PCDH9: variants seen among roughly 807,000 people sequenced by gnomAD.
The protein encoded by PCDH9 is protocadherin-9.
Under a neutral mutation model 70.6 loss-of-function variants are expected in PCDH9, and 24 were observed. The ratio of observed to expected loss-of-function variants is 0.34; its 90% CI spans 0.25 to 0.48. The LOEUF (loss-of-function observed/expected upper bound fraction) is 0.48. Ranked by LOEUF, PCDH9 falls within the 20% of genes least tolerant of loss-of-function variation. PCDH9 has a pLI of 0.99. For missense variants in PCDH9, 1,281 were observed against 1,503.6 expected (o/e 0.85, Z 2.45); for synonymous variants, 562 against 558.5 (o/e 1.01, Z -0.09).
At chr13:66,397,402 G>A (rs1335904625) in intron 4 of PCDH9, among the ~76,000 whole-genome samples, 1 of 151,946 alleles carries the variant, frequency 6.6e-6, no homozygotes, top group East Asian at 1.9e-4. Context: ...CTGGGTGACA[G>A]AGTGAGACTC....
intron 3 of PCDH9, among the ~76,000 whole-genome samples, chr13:66,655,350 T>A (rs937401361): frequency 1.3e-5 from 2 of 151,980 alleles, no homozygotes; most frequent in African/African-American, 2.4e-5. Context: ...AGCATTTCTT[T>A]ATTCTCACAT....
Position 67,227,791 on chromosome 13 carries a change from G to T in PCDH9, c.650C>A (p.Thr217Asn). 6.2e-7 allele frequency: 1 copy of T among 1,613,606 alleles called. No individual in the cohort carries two copies. The highest frequency in any genetic ancestry group is 1.1e-5 in the South Asian group (1 of 91,062). ...CTCTACTTTGATTTTCATCACATAG[G>T]TATCTTTCTGTTCTCTATCCAAGTT... Reference protein sequence around the residue: ...QQNLDREQKDTYVMKIKVEDG... With the variant: ...QQNLDREQKDNYVMKIKVEDG... Residue 217 changes from threonine (T) to asparagine (N), a missense_variant, in exon 2 of 5, where the codon ACC becomes AAC. Thr to Asn is a moderately conservative substitution (Grantham distance 65). Around this residue, in one of 4 missense-constraint regions of PCDH9, gnomAD observed 798 missense variants for 1,003.1 expected, o/e 0.80. Transcript: ENST00000377865. The surrounding 1 kb of genome is among the most constrained non-coding windows in gnomAD (Gnocchi z 4.6).
chr13:66,588,672 G>A (rs1350608090), intron 4 of PCDH9, among the ~76,000 whole-genome samples: 1 of 151,568 alleles, frequency 6.6e-6, no homozygotes, highest in East Asian at 1.9e-4. Context: ...ACTGGAGAAA[G>A]GCATTCAGGA....
chr13:67,030,090 T>C (rs1360864331), intron 2 of PCDH9, among the ~76,000 whole-genome samples: 2 of 152,072 alleles, frequency 1.3e-5, no homozygotes, highest in African/African-American at 4.8e-5. Context: ...TATTTATTTA[T>C]TTATTTAGGA....
chr13:66,951,907 T>C (rs1566315389), intron 2 of PCDH9, among the ~76,000 whole-genome samples: 1 of 152,136 alleles, frequency 6.6e-6, no homozygotes. Flanking sequence ...AGAGGTGAAT[T>C]TGTATGTTAA....
chr13:67,069,674 C>T (rs1345145085), intron 2 of PCDH9, among the ~76,000 whole-genome samples: 2 of 152,042 alleles, frequency 1.3e-5, no homozygotes, highest in East Asian at 3.9e-4. Context: ...TCTGAATTTG[C>T]TTTTTGCAGA....
chr13:66,793,191 AC>A (rs1339462905), intron 3 of PCDH9, among the ~76,000 whole-genome samples: 3 of 152,052 alleles, frequency 2.0e-5, no homozygotes, highest in Non-Finnish European at 4.4e-5. Flanking sequence ...ACCTGGGCCT[AC>A]AGTTAGTCTT....
intron 3 of PCDH9, among the ~76,000 whole-genome samples, chr13:66,697,606 G>T (rs1408470430): frequency 6.6e-6 from 1 of 152,124 alleles, no homozygotes; most frequent in East Asian, 1.9e-4. Context: ...GGGGGACAGT[G>T]CTGTACTATA....
At chr13:67,173,444 C>T (rs1171753932) in intron 2 of PCDH9, among the ~76,000 whole-genome samples, 1 of 152,076 alleles carries the variant, frequency 6.6e-6, no homozygotes, top group Non-Finnish European at 1.5e-5. Flanking sequence ...TTTCCAACTA[C>T]AACCCTGATT....
intron 3 of PCDH9, among the ~76,000 whole-genome samples, chr13:66,761,143 C>T (rs1265065207): frequency 6.7e-6 from 1 of 148,238 alleles, no homozygotes; most frequent in Non-Finnish European, 1.5e-5. Flanking sequence ...CCTATTCGTA[C>T]ACTCCCTCCC....
chr13:66,398,638 T>A (rs938204486), intron 4 of PCDH9, among the ~76,000 whole-genome samples: 1 of 152,178 alleles, frequency 6.6e-6, no homozygotes, highest in Non-Finnish European at 1.5e-5. Context: ...CATTCAAAAC[T>A]AGCATTTTAG....
intron 3 of PCDH9, among the ~76,000 whole-genome samples, chr13:66,676,684 A>G (rs1028782945): frequency 5.3e-5 from 8 of 152,096 alleles, no homozygotes; most frequent in African/African-American, 1.9e-4. Context: ...TTCATGAAAC[A>G]TAATTATTAT....
chr13:67,189,751 G>A lies in PCDH9; in HGVS notation c.3036+35654C>T, dbSNP rs576117556. 4.6e-5 allele frequency among the ~76,000 whole-genome samples: 7 copies of A among 152,092 alleles called. 1 individual carries two copies. In the South Asian group the frequency reaches 1.5e-3, roughly 32 times the overall value. On this transcript the variant is annotated intron_variant, in intron 2 of 4. Coordinates refer to ENST00000377865, the MANE Select transcript of PCDH9 (RefSeq NM_203487.3). The stretch of plus-strand genomic sequence containing the variant: ...GCAGTACTGAAAGGAGCCCTAAGTG[G>A]ATGAAGGAGAAAGCCATTTGACAAT...
chr13:67,004,034 G>C (rs1205340841), intron 2 of PCDH9, among the ~76,000 whole-genome samples: 1 of 152,064 alleles, frequency 6.6e-6, no homozygotes, highest in East Asian at 1.9e-4. Context: ...TTGAGAAACT[G>C]AGAAGAGAAA....
intron 2 of PCDH9, among the ~76,000 whole-genome samples, chr13:67,194,227 A>G (rs889024372): frequency 3.9e-5 from 6 of 152,194 alleles, no homozygotes; most frequent in Non-Finnish European, 7.4e-5. Flanking sequence ...TATAAGCACT[A>G]CAGAAATTAT....
intron 2 of PCDH9, chr13:67,209,856 G>A (rs2089433933): frequency 6.6e-6 from 1 of 151,912 alleles, no homozygotes; most frequent in South Asian, 2.1e-4. Flanking sequence ...TCCTAAAGCT[G>A]ATTTTCCTCC....
intron 2 of PCDH9, among the ~76,000 whole-genome samples, chr13:66,965,443 C>T (rs2083415053): frequency 6.6e-6 from 1 of 152,158 alleles, no homozygotes; most frequent in South Asian, 2.1e-4. Flanking sequence ...CATTTCTGTG[C>T]CACTTTTTCT....
At chr13:66,534,964 T>C (rs184302655) in intron 4 of PCDH9, among the ~76,000 whole-genome samples, 1 of 152,174 alleles carries the variant, frequency 6.6e-6, no homozygotes, top group African/African-American at 2.4e-5. Flanking sequence ...TTTTCCTCAA[T>C]TTATTGTATA....
At chr13:66,693,750 T>C (rs1421925151) in intron 3 of PCDH9, among the ~76,000 whole-genome samples, 7 of 152,172 alleles carry the variant, frequency 4.6e-5, no homozygotes, top group Admixed American at 3.9e-4. Context: ...TAAAGACAAA[T>C]ATATTATTAG....
Sources: allele counts gnomAD v4.1 joint callset (sites outside exome capture counted in the v4.1 genomes callset), GRCh38; gene constraint gnomAD v4.1.1; regional missense constraint gnomAD v4.1.1; non-coding constraint Gnocchi (gnomAD v3.1); transcripts MANE v1.5; gene names NCBI Gene and HGNC (gene_info 2026-07-23, HGNC 2026-07-21).